PPP1R16A: variants seen among roughly 807,000 people sequenced by gnomAD.
PPP1R16A encodes protein phosphatase 1 regulatory subunit 16A.
Under a neutral mutation model 46.6 loss-of-function variants are expected in PPP1R16A, and 39 were observed. The observed-to-expected ratio is 0.84, with a 90% CI of 0.65 to 1.09. The LOEUF (loss-of-function observed/expected upper bound fraction) is 1.09, where lower values mean the gene tolerates loss of function less well. Ranked by LOEUF, PPP1R16A falls within the 50% of genes least tolerant of loss-of-function variation. The pLI, the probability that PPP1R16A is intolerant of heterozygous loss-of-function variation, is 0.00. For synonymous variants in PPP1R16A, 413 were observed against 321.5 expected, an observed-to-expected ratio of 1.28 and a Z score of -3.04; for missense variants, 798 against 735.6, an observed-to-expected ratio of 1.08 and a Z score of -0.98.
chr8:144,493,584 C>G lies in PPP1R16A; in HGVS notation c.-734-2877C>G, dbSNP rs1032144453. 1.3e-5 allele frequency among the ~76,000 whole-genome samples: 2 copies of G among 152,188 alleles called. No homozygotes were observed. Among genetic ancestry groups the G allele is most frequent in the African/African-American group, 4.8e-5 (2 of 41,444 alleles). On this transcript the variant is annotated intron_variant, in intron 2 of 11. Transcript: ENST00000435887. This position sits in a 1 kb window ranked among gnomAD's most constrained non-coding sequence, Gnocchi z 4.3. ...AGGCAGTCTTTCCTTCTGGAGCCCT[C>G]AGCCCACTGCCGTGGGCCTTCGGCT...
intron 1 of PPP1R16A, among the ~76,000 whole-genome samples, chr8:144,480,706 G>A (rs368961832): frequency 3.3e-5 from 5 of 152,052 alleles, no homozygotes; most frequent in African/African-American, 9.7e-5. Flanking sequence ...GAATGGTCTC[G>A]AACTCCTGAC....
intron 1 of PPP1R16A, among the ~76,000 whole-genome samples, chr8:144,479,573 G>A (rs898964471): frequency 6.6e-6 from 1 of 152,082 alleles, no homozygotes; most frequent in Non-Finnish European, 1.5e-5. Flanking sequence ...TGTACTTTGG[G>A]GTCTGTGTTC....
At chr8:144,497,964 C>T (rs1217333434) in intron 3 of PPP1R16A, 1 of 446,120 alleles carries the variant, frequency 2.2e-6, no homozygotes, top group Admixed American at 2.4e-5. Flanking sequence ...GCTTGTGACT[C>T]TCTTCTCCTC....
chr8:144,501,313 C>T lies in PPP1R16A; in HGVS notation c.1203+19C>T, dbSNP rs1826449237. Reference sequence around the variant, plus strand: ...CCCGGAGGTGAGCGCCCCGTCCCTGCTCCGCCCAGCGCAGGGGTGGGCCTG... The same window carrying T: ...CCCGGAGGTGAGCGCCCCGTCCCTGTTCCGCCCAGCGCAGGGGTGGGCCTG... On this transcript the variant is annotated intron_variant, in intron 11 of 11. Coordinates refer to ENST00000435887, the MANE Select transcript of PPP1R16A (RefSeq NM_001329443.2). 6.4e-7 allele frequency: 1 copy of T among 1,556,342 alleles called. No homozygotes were observed. Among genetic ancestry groups the T allele is most frequent in the South Asian group, 1.2e-5 (1 of 86,188 alleles).
At chr8:144,490,470 C>G (rs1429720844) in intron 2 of PPP1R16A, among the ~76,000 whole-genome samples, 10 of 151,836 alleles carry the variant, frequency 6.6e-5, no homozygotes, top group Admixed American at 3.9e-4. Flanking sequence ...CATGCCACTG[C>G]ACTCCAGCCT....
In PPP1R16A at chr8:144,486,742, C is replaced by G. The variant is rs530951073; in HGVS notation, c.-913-3292C>G. ...GCTGATTTTTTGAGACTCGTGTGTTCTTGACAGCAGTCCTTTGTTCTGTGT... is the reference window on the plus strand; with the variant it reads ...GCTGATTTTTTGAGACTCGTGTGTTGTTGACAGCAGTCCTTTGTTCTGTGT... On this transcript the variant is annotated intron_variant, in intron 1 of 11. Transcript: ENST00000435887. Among the ~76,000 whole-genome samples the G allele has an allele frequency of 2.6e-5, 4 of 152,214 alleles. No individual in the cohort carries two copies. The South Asian group carries it at 6.2e-4, about 24-fold the overall frequency.
chr8:144,482,773 C>T (rs1825483113), intron 1 of PPP1R16A, among the ~76,000 whole-genome samples: 1 of 151,860 alleles, frequency 6.6e-6, no homozygotes, highest in African/African-American at 2.4e-5. Context: ...CTCAGCCTCC[C>T]GAGTAGCTGG....
At position 144,496,650 on chromosome 8, in the gene PPP1R16A, C is replaced by G. The variant is rs565277014; in HGVS notation, c.-545C>G. The G allele has an allele frequency of 1.1e-5, 2 of 188,658 alleles. No homozygotes were observed. Among genetic ancestry groups the G allele is most frequent in the Non-Finnish European group, 2.3e-5 (2 of 88,720 alleles). The allele number at this position is 188,658 out of a possible 1,614,324, so 11.7% of individuals were successfully genotyped here. The stretch of plus-strand genomic sequence containing the variant: ...CTCGTTAGTACTGATGCACTGACCT[C>G]GGCACACAGCTGGGAGGGGTTGGGG... On this transcript the variant is annotated 5_prime_UTR_variant, in exon 3 of 12. Transcript: ENST00000435887.
Position 144,497,349 on chromosome 8 carries a change from A to G in PPP1R16A, c.155A>G (p.Glu52Gly), listed in dbSNP as rs745426486. 1.9e-6 allele frequency: 3 copies of G among 1,612,458 alleles called. No individual in the cohort carries two copies. Among genetic ancestry groups the G allele is most frequent in the African/African-American group, 2.7e-5 (2 of 74,878 alleles). The change falls in exon 3 of 12, where the codon GAG (glutamate) becomes GGG (glycine). Residue 52 changes from glutamate (E) to glycine (G), a missense_variant. Coordinates refer to ENST00000435887, the MANE Select transcript of PPP1R16A (RefSeq NM_001329443.2). ...KEAQGKKGPGERPRKEAASQG... is the reference protein window; with the variant it reads ...KEAQGKKGPGGRPRKEAASQG... Reference sequence around the variant, plus strand: ...GCCCAGGGCAAGAAGGGTCCTGGGGAGCGTCCCCGGAAGGAGGCAGCCAGC... The same window carrying G: ...GCCCAGGGCAAGAAGGGTCCTGGGGGGCGTCCCCGGAAGGAGGCAGCCAGC...
At chr8:144,492,297 G>A (rs1191006403) in intron 2 of PPP1R16A, among the ~76,000 whole-genome samples, 1 of 152,102 alleles carries the variant, frequency 6.6e-6, no homozygotes, top group Non-Finnish European at 1.5e-5. Flanking sequence ...GGTTTTAGTA[G>A]GGTGGCGTCC....
At position 144,498,835 on chromosome 8, in the gene PPP1R16A, C is replaced by T; in HGVS notation, c.325C>T (p.His109Tyr). 6.2e-7 allele frequency: 1 copy of T among 1,610,160 alleles called. No individual in the cohort carries two copies. Among genetic ancestry groups the T allele is most frequent in the Non-Finnish European group, 8.5e-7 (1 of 1,177,684 alleles). Residue 109 changes from histidine (H) to tyrosine (Y), a missense_variant, in exon 4 of 12, where the codon CAC becomes TAC. Coordinates refer to ENST00000435887, the MANE Select transcript of PPP1R16A (RefSeq NM_001329443.2). The stretch of plus-strand genomic sequence containing the variant: ...CAACGAGGACGGCCTGACGGCCCTG[C>T]ACCAGGTCAGCCTGCACTGGGTGTG... ...LANEDGLTAL[H>Y]QCCIDDFREM...
At position 144,496,857 on chromosome 8, in the gene PPP1R16A, A is replaced by C. The variant is rs960088467; in HGVS notation, c.-338A>C. Reference sequence around the variant, plus strand: ...GTAATTAGTTTCAGACCCTGCACTGAGGCCGGCCAGGTCTCGGGGCTGCCT... The same window carrying C: ...GTAATTAGTTTCAGACCCTGCACTGCGGCCGGCCAGGTCTCGGGGCTGCCT... On this transcript the variant is annotated 5_prime_UTR_variant, in exon 3 of 12. Transcript: ENST00000435887. 9.1e-6 allele frequency: 4 copies of C among 441,198 alleles called. No individual in the cohort carries two copies. The highest frequency in any genetic ancestry group is 7.9e-5 in the African/African-American group (4 of 50,454). 27.3% of individuals were successfully genotyped at this position (441,198 alleles called of 1,614,324 possible).
In PPP1R16A at chr8:144,479,907, G is replaced by C. The variant is rs143842449; in HGVS notation, c.-914+1780G>C. Among the ~76,000 whole-genome samples the C allele has an allele frequency of 1.2e-4, 18 of 152,284 alleles. No individual in the cohort carries two copies. In the East Asian group the frequency reaches 3.5e-3, roughly 29 times the overall value. ...GCCTTCCATGTCACATCCTGTGCTG[G>C]GACCCCTGTGCCAGAGGCTCAGCAG... On this transcript the variant is annotated intron_variant, in intron 1 of 11. Coordinates refer to ENST00000435887, the MANE Select transcript of PPP1R16A (RefSeq NM_001329443.2).
intron 2 of PPP1R16A, among the ~76,000 whole-genome samples, chr8:144,494,920 T>A (rs1170988033): frequency 6.6e-6 from 1 of 152,158 alleles, no homozygotes; most frequent in African/African-American, 2.4e-5. Context: ...CTCCTGCCTC[T>A]CTGGTACCCA....
At chr8:144,501,030 G>A (rs1826417380) in intron 10 of PPP1R16A, 59 bp downstream of exon 10, 2 of 1,504,180 alleles carry the variant, frequency 1.3e-6, no homozygotes, top group Non-Finnish European at 1.8e-6. Flanking sequence ...GTCAGCCCCG[G>A]GCGGAGTGCC....
In PPP1R16A at chr8:144,500,742, G is replaced by A. The variant is rs983822398; in HGVS notation, c.888G>A (p.Leu296=). The change falls in exon 9 of 12, where the codon CTG becomes CTA. Residue 296 remains leucine, a synonymous_variant. Coordinates refer to ENST00000435887, the MANE Select transcript of PPP1R16A (RefSeq NM_001329443.2). ...AHGADLNAKS[L]MDETPLDVCG... is the part of the protein sequence containing the mutation. ...GGGCCGACCTGAACGCAAAGTCCCT[G>A]ATGGACGAGACGCCCCTTGGTGAGC... 3 of 1,611,734 alleles carry A rather than the reference G, an allele frequency of 1.9e-6. No individual in the cohort carries two copies. Among genetic ancestry groups the A allele is most frequent in the African/African-American group, 1.3e-5 (1 of 74,924 alleles).
chr8:144,492,534 A>G (rs1361994342), intron 2 of PPP1R16A, among the ~76,000 whole-genome samples: 2 of 151,790 alleles, frequency 1.3e-5, no homozygotes, highest in Admixed American at 6.6e-5. Context: ...ATGGGGTTTT[A>G]CCTTGTTAGC....
At chr8:144,482,547 G>A (rs1825473861) in intron 1 of PPP1R16A, among the ~76,000 whole-genome samples, 1 of 150,222 alleles carries the variant, frequency 6.7e-6, no homozygotes, top group African/African-American at 2.5e-5. Context: ...TCAACCTCCC[G>A]GGTTTAAGCA....
At chr8:144,484,144 C>T (rs1825549476) in intron 1 of PPP1R16A, among the ~76,000 whole-genome samples, 1 of 152,276 alleles carries the variant, frequency 6.6e-6, no homozygotes. Flanking sequence ...CTCCCAGGCC[C>T]TGTGCCACTG....
Sources: gnomAD v4.1 joint callset for allele counts (sites outside exome capture counted in the v4.1 genomes callset) on GRCh38, gnomAD v4.1.1 for gene constraint, Gnocchi (gnomAD v3.1) non-coding constraint, MANE v1.5 for transcripts, NCBI Gene and HGNC (gene_info 2026-07-23, HGNC 2026-07-21) for gene names.